NTNG1: variants seen among roughly 807,000 people sequenced by gnomAD.
NTNG1 encodes the protein netrin-G1.
Under a neutral mutation model 54.0 loss-of-function variants are expected in NTNG1, and 16 were observed. That is an observed-to-expected ratio of 0.30 (90% confidence interval 0.20 to 0.45). NTNG1 has a LOEUF of 0.45. NTNG1 is among the 20% of genes least tolerant of loss of function. The probability of loss-of-function intolerance (pLI) is 1.00; values close to 1 mark genes in which losing one functional copy is unlikely to be tolerated. For synonymous variants in NTNG1, 255 were observed against 263.1 expected, an observed-to-expected ratio of 0.97 and a Z score of 0.30; for missense variants, 530 against 678.7, an observed-to-expected ratio of 0.78 and a Z score of 2.43.
chr1:107,198,368 A>G (rs1378561256), intron 2 of NTNG1, among the ~76,000 whole-genome samples: 1 of 151,964 alleles, frequency 6.6e-6, no homozygotes, highest in East Asian at 1.9e-4. Context: ...AGTACATGAC[A>G]GTTTCATTAT....
intron 2 of NTNG1, among the ~76,000 whole-genome samples, chr1:107,318,479 C>G (rs972999398): frequency 4.0e-5 from 6 of 151,032 alleles, no homozygotes; most frequent in Non-Finnish European, 8.9e-5. Context: ...GAAAAAAAAT[C>G]ATATTGAGGT....
At chr1:107,380,989 T>G (rs1045832376) in intron 3 of NTNG1, among the ~76,000 whole-genome samples, 1 of 152,216 alleles carries the variant, frequency 6.6e-6, no homozygotes, top group African/African-American at 2.4e-5. Flanking sequence ...ATCTGTTTGT[T>G]TTGCTTGTTC....
intron 2 of NTNG1, among the ~76,000 whole-genome samples, chr1:107,191,728 A>G (rs1183468710): frequency 6.6e-6 from 1 of 151,182 alleles, no homozygotes; most frequent in East Asian, 1.9e-4. Flanking sequence ...GTCAAAGATC[A>G]GATAGTTGTA....
chr1:107,479,987 G>T (rs2101615915), intron 7 of NTNG1, among the ~76,000 whole-genome samples: 1 of 152,124 alleles, frequency 6.6e-6, no homozygotes, highest in African/African-American at 2.4e-5. Flanking sequence ...GAATGTGACT[G>T]CTTTTCCTCA....
At chr1:107,377,394 G>GA (rs1671355304) in intron 3 of NTNG1, among the ~76,000 whole-genome samples, 1 of 152,190 alleles carries the variant, frequency 6.6e-6, no homozygotes, top group Non-Finnish European at 1.5e-5. Flanking sequence ...TTTCCTGCCT[G>GA]AGGATAATTG....
intron 2 of NTNG1, among the ~76,000 whole-genome samples, chr1:107,231,849 C>A (rs1004071244): frequency 6.6e-6 from 1 of 151,762 alleles, no homozygotes; most frequent in Non-Finnish European, 1.5e-5. Context: ...CATATGGCTA[C>A]AATAGAAGAA....
At chr1:107,168,861 G>A (rs1656005818) in intron 2 of NTNG1, among the ~76,000 whole-genome samples, 1 of 151,990 alleles carries the variant, frequency 6.6e-6, no homozygotes, top group South Asian at 2.1e-4. Flanking sequence ...TGATCAAATT[G>A]GTCACCAATT....
chr1:107,435,585 C>T (rs1193838120), intron 6 of NTNG1, among the ~76,000 whole-genome samples: 1 of 152,070 alleles, frequency 6.6e-6, no homozygotes, highest in East Asian at 1.9e-4. Context: ...ATCTATAAGG[C>T]TAAACCCTGA....
intron 5 of NTNG1, among the ~76,000 whole-genome samples, chr1:107,410,888 C>G (rs1420360690): frequency 2.0e-5 from 3 of 152,068 alleles, no homozygotes; most frequent in Non-Finnish European, 4.4e-5. Flanking sequence ...AAGAATTGGC[C>G]TAATGTGCAA....
intron 2 of NTNG1, among the ~76,000 whole-genome samples, chr1:107,171,774 A>G (rs563326667): frequency 2.8e-4 from 43 of 152,246 alleles, no homozygotes; most frequent in African/African-American, 9.4e-4. Flanking sequence ...TGCAGTGACA[A>G]CTGTTCACTT....
Position 107,184,758 on chromosome 1 carries a change from A to G in NTNG1, c.246+35919A>G, listed in dbSNP as rs112365996. On this transcript the variant is annotated intron_variant, in intron 2 of 7. Coordinates refer to ENST00000370068, the MANE Select transcript of NTNG1 (RefSeq NM_001113226.3). ...TTCTTAAATCCTGAAGGCTTTGTGTATGTGTGAAAAGTTTATAAGGAACCA... is the reference window on the plus strand; with the variant it reads ...TTCTTAAATCCTGAAGGCTTTGTGTGTGTGTGAAAAGTTTATAAGGAACCA... 7.0e-3 allele frequency among the ~76,000 whole-genome samples: 1,068 copies of G among 152,260 alleles called. 7 individuals are homozygous for G. The highest frequency in any genetic ancestry group is 9.7e-3 in the Non-Finnish European group (659 of 68,008).
rs748928713 is a variant in NTNG1, at chr1:107,395,370, G to A, written c.1060+44G>A. On this transcript the variant is annotated intron_variant, in intron 4 of 7. Coordinates refer to ENST00000370068, the MANE Select transcript of NTNG1 (RefSeq NM_001113226.3). Reference sequence around the variant, plus strand: ...TAACAGCATATTCTGTGCACCATGAGGTGATAGTTCCTCTCAATTTTGCTT... The same window carrying A: ...TAACAGCATATTCTGTGCACCATGAAGTGATAGTTCCTCTCAATTTTGCTT... 3 of 1,520,786 alleles carry A rather than the reference G, an allele frequency of 2.0e-6. No homozygotes were observed. In the South Asian group the frequency reaches 3.4e-5, roughly 17 times the overall value. The allele number at this position is 1,520,786 out of a possible 1,614,324, so 94.2% of individuals were successfully genotyped here.
intron 2 of NTNG1, among the ~76,000 whole-genome samples, chr1:107,201,140 C>T (rs1366714439): frequency 6.6e-6 from 1 of 151,640 alleles, no homozygotes; most frequent in East Asian, 1.9e-4. Flanking sequence ...TTAACATTAT[C>T]CTCTGAATGT....
At chr1:107,459,197 G>A (rs1273901420) in intron 7 of NTNG1, among the ~76,000 whole-genome samples, 1 of 152,042 alleles carries the variant, frequency 6.6e-6, no homozygotes, top group Non-Finnish European at 1.5e-5. Context: ...AGACATATAT[G>A]CATATTGTTC....
At chr1:107,199,371 T>C (rs1375182202) in intron 2 of NTNG1, among the ~76,000 whole-genome samples, 4 of 151,840 alleles carry the variant, frequency 2.6e-5, no homozygotes, top group Non-Finnish European at 5.9e-5. Context: ...GACTTCTGAA[T>C]ATGTGAAGCA....
intron 2 of NTNG1, among the ~76,000 whole-genome samples, chr1:107,192,019 A>G (rs1238685910): frequency 6.6e-6 from 1 of 152,166 alleles, no homozygotes; most frequent in African/African-American, 2.4e-5. Flanking sequence ...TACCTTGGGC[A>G]GTATGGCCAT....
At chr1:107,191,070 G>T (rs1351516178) in intron 2 of NTNG1, among the ~76,000 whole-genome samples, 6 of 147,684 alleles carry the variant, frequency 4.1e-5, no homozygotes, top group Admixed American at 2.7e-4. Context: ...CTATTTCTCC[G>T]CATCCTCTCC....
At chr1:107,207,198 T>C (rs114089937) in intron 2 of NTNG1, among the ~76,000 whole-genome samples, 417 of 152,286 alleles carry the variant, frequency 2.7e-3, no homozygotes, top group African/African-American at 9.6e-3. Flanking sequence ...AGCTTTGTTA[T>C]CCTCTATAAT....
At position 107,303,923 on chromosome 1, in the gene NTNG1, A is replaced by G. The variant is rs1666491162; in HGVS notation, c.247-20359A>G. 1.3e-5 allele frequency among the ~76,000 whole-genome samples: 2 copies of G among 152,090 alleles called. 1 individual carries two copies. The highest frequency in any genetic ancestry group is 2.9e-5 in the Non-Finnish European group (2 of 67,956). On this transcript the variant is annotated intron_variant, in intron 2 of 7. Transcript: ENST00000370068. ...GATGGTCTTGATCTCCTGACCTCATAATCCGCCCGCCTTGGCCTCCAGAAG... is the reference window on the plus strand; with the variant it reads ...GATGGTCTTGATCTCCTGACCTCATGATCCGCCCGCCTTGGCCTCCAGAAG...
Sources: allele counts gnomAD v4.1 joint callset (sites outside exome capture counted in the v4.1 genomes callset), GRCh38; gene constraint gnomAD v4.1.1; transcripts MANE v1.5; gene names NCBI Gene and HGNC (gene_info 2026-07-23, HGNC 2026-07-21).